The following ULK4 variants were observed in gnomAD, a reference collection of about 807,000 sequenced individuals.
ULK4 encodes unc-51 like kinase 4, also known as inactive serine/threonine-protein kinase ULK4.
In ULK4, 133 loss-of-function variants were observed where a neutral mutation model predicts 160.6. The ratio of observed to expected loss-of-function variants is 0.83; its 90% CI spans 0.72 to 0.96. The LOEUF is 0.96. ULK4 is among the 40% of genes least tolerant of loss of function. The pLI, the probability that ULK4 is intolerant of heterozygous loss-of-function variation, is 0.00. For synonymous variants in ULK4, 534 were observed against 539.8 expected (o/e 0.99, Z 0.15); for missense variants, 1,580 against 1,499.5 (o/e 1.05, Z -0.89).
At chr3:41,448,032 CTT>C in intron 34 of ULK4, among the ~76,000 whole-genome samples, 1 of 152,320 alleles carries the variant, frequency 6.6e-6, no homozygotes, top group African/African-American at 2.4e-5. Flanking sequence ...TCTTACCAGA[CTT>C]AGTCTATGCT....
chr3:41,866,741 G>A, intron 17 of ULK4, among the ~76,000 whole-genome samples: 1 of 150,200 alleles, frequency 6.7e-6, no homozygotes, highest in East Asian at 1.9e-4. Context: ...ATTCATCAGG[G>A]AAGTCATCTA....
rs535144447 is a variant in ULK4, at chr3:41,466,085, C to T, written c.3227-2832G>A. Among the ~76,000 whole-genome samples the T allele has an allele frequency of 2.0e-5, 3 of 152,226 alleles. No homozygotes were observed. The South Asian group carries it at 6.2e-4, about 32-fold the overall frequency. On this transcript the variant is annotated intron_variant, in intron 32 of 36. Transcript: ENST00000301831. ...ATTTCAATCACTATTCATTTGTATG[C>T]TCAATATGTCCTATCTTTGGCCACT...
At chr3:41,431,417 T>G (rs939772454) in intron 34 of ULK4, among the ~76,000 whole-genome samples, 1 of 150,172 alleles carries the variant, frequency 6.7e-6, no homozygotes, top group Non-Finnish European at 1.5e-5. Flanking sequence ...AATAACAATA[T>G]AGCAAAGAGA....
At chr3:41,907,807 C>G in intron 12 of ULK4, 38 bp downstream of exon 12, 1 of 1,353,220 alleles carries the variant, frequency 7.4e-7, no homozygotes, top group African/African-American at 1.5e-5. Context: ...TGAGCTTCTA[C>G]ATCTTATGTA....
chr3:41,265,769 C>T (rs982651512), intron 35 of ULK4, among the ~76,000 whole-genome samples: 12 of 152,096 alleles, frequency 7.9e-5, no homozygotes, highest in African/African-American at 2.4e-4. Context: ...ACGTTTTTTG[C>T]GAAGCCTTTG....
intron 35 of ULK4, among the ~76,000 whole-genome samples, chr3:41,288,806 C>G (rs1398010538): frequency 1.3e-5 from 2 of 152,200 alleles, no homozygotes; most frequent in Non-Finnish European, 2.9e-5. Context: ...CAAGGACCTG[C>G]CCAGTGGCTG....
chr3:41,566,667 G>C (rs2087793687), intron 31 of ULK4, among the ~76,000 whole-genome samples: 1 of 152,074 alleles, frequency 6.6e-6, no homozygotes, highest in African/African-American at 2.4e-5. Flanking sequence ...CAGTAACTTA[G>C]GTCCTAAAGA....
At chr3:41,706,363 ATATATATATTTAATATATATATT>A (rs1245599740) in intron 25 of ULK4, among the ~76,000 whole-genome samples, 1 of 145,912 alleles carries the variant, frequency 6.9e-6, no homozygotes. Context: ...ATATATATTT[ATATATATATTTAATATATATATT>A]TATATATATT....
intron 2 of ULK4, among the ~76,000 whole-genome samples, chr3:41,941,418 T>C (rs1393612710): frequency 6.8e-6 from 1 of 146,566 alleles, no homozygotes; most frequent in Non-Finnish European, 1.5e-5. Flanking sequence ...TGAGCCCATA[T>C]ATGCAGAGCT....
intron 30 of ULK4, among the ~76,000 whole-genome samples, chr3:41,633,852 C>A (rs777159423): frequency 1.2e-4 from 18 of 152,270 alleles, no homozygotes; most frequent in Middle Eastern, 6.8e-3. Flanking sequence ...ATGACCACCA[C>A]CCAGAGCAAT....
intron 32 of ULK4, among the ~76,000 whole-genome samples, chr3:41,548,880 G>A (rs550883129): frequency 6.6e-6 from 1 of 152,218 alleles, no homozygotes; most frequent in South Asian, 2.1e-4. Flanking sequence ...TATCACCATT[G>A]CCTCCATTAA....
intron 35 of ULK4, among the ~76,000 whole-genome samples, chr3:41,310,514 C>T (rs892273005): frequency 2.6e-5 from 4 of 151,960 alleles, no homozygotes; most frequent in African/African-American, 7.3e-5. Context: ...CAACATAAAA[C>T]GGAAGAAAAA....
At chr3:41,739,118 C>G (rs2038150248) in intron 22 of ULK4, among the ~76,000 whole-genome samples, 2 of 151,898 alleles carry the variant, frequency 1.3e-5, no homozygotes, top group African/African-American at 4.9e-5. Context: ...AGTTACTTAT[C>G]GTTAATCTGG....
intron 19 of ULK4, among the ~76,000 whole-genome samples, chr3:41,809,188 CA>C (rs869213835): frequency 4.7e-5 from 6 of 128,100 alleles, no homozygotes; most frequent in Non-Finnish European, 8.7e-5. Context: ...AAAAAAAAAA[CA>C]AAAAAAAACA....
At chr3:41,830,013 G>C (rs1393451010) in intron 18 of ULK4, among the ~76,000 whole-genome samples, 1 of 151,700 alleles carries the variant, frequency 6.6e-6, no homozygotes, top group African/African-American at 2.4e-5. Context: ...GGATGAAGCT[G>C]GAAACCATCA....
intron 12 of ULK4, among the ~76,000 whole-genome samples, chr3:41,903,955 T>C (rs1698461638): frequency 6.7e-6 from 1 of 148,594 alleles, no homozygotes; most frequent in South Asian, 2.1e-4. Flanking sequence ...TGAACTACAA[T>C]TGTGCCACTG....
chr3:41,624,525 G>C (rs2033401773), intron 30 of ULK4, among the ~76,000 whole-genome samples: 1 of 152,160 alleles, frequency 6.6e-6, no homozygotes. Context: ...CGCTGGCCTG[G>C]ATTACCTCTT....
chr3:41,857,164 C>A (rs1351719025), intron 17 of ULK4, among the ~76,000 whole-genome samples: 1 of 152,150 alleles, frequency 6.6e-6, no homozygotes, highest in South Asian at 2.1e-4. Context: ...ACTTCTTTCA[C>A]CAAGAATTCT....
intron 34 of ULK4, among the ~76,000 whole-genome samples, chr3:41,399,572 T>C (rs969921746): frequency 1.3e-5 from 2 of 152,112 alleles, no homozygotes; most frequent in Non-Finnish European, 1.5e-5. Flanking sequence ...GAATGTTTTA[T>C]TTTTGTTTTT....
Sources: gnomAD v4.1 joint callset for allele counts (sites outside exome capture counted in the v4.1 genomes callset) on GRCh38, gnomAD v4.1.1 for gene constraint, MANE v1.5 for transcripts, NCBI Gene and HGNC (gene_info 2026-07-23, HGNC 2026-07-21) for gene names.